Variants in ZNF346 observed in about 807,000 individuals in gnomAD.
The protein encoded by ZNF346 is double-stranded RNA-binding zinc finger protein JAZ.
Under a neutral mutation model 33.7 loss-of-function variants are expected in ZNF346, and 23 were observed. That is an observed-to-expected ratio of 0.68 (90% CI 0.49 to 0.97). The LOEUF (loss-of-function observed/expected upper bound fraction) is 0.97, where lower values mean the gene tolerates loss of function less well. Among genes scored for constraint, ZNF346 ranks in the 50% least tolerant of loss-of-function variants. The pLI is 0.00. For synonymous variants in ZNF346, 134 were observed against 142.4 expected (o/e 0.94, Z 0.42); for missense variants, 340 against 371.1 (o/e 0.92, Z 0.69).
chr5:177,072,877 AT>A (rs1783571854), downstream of ZNF346, among the ~76,000 whole-genome samples: 2 of 152,216 alleles, frequency 1.3e-5, no homozygotes, highest in African/African-American at 4.8e-5. Context: ...TGAAGCTAAT[AT>A]CCCCCAGGAC....
rs748064088 is a variant in ZNF346, at chr5:177,041,213, A to G, written c.263A>G (p.Lys88Arg). The G allele has an allele frequency of 5.0e-6, 8 of 1,614,084 alleles. No homozygotes were observed. Among genetic ancestry groups the G allele is most frequent in the East Asian group, 4.5e-5 (2 of 44,884 alleles). Residue 88 changes from lysine (K) to arginine (R), a missense_variant, in exon 2 of 7, where the codon AAG becomes AGG. By Grantham distance (26) the Lys-to-Arg change is conservative (BLOSUM62 2). Coordinates refer to ENST00000358149, the MANE Select transcript of ZNF346 (RefSeq NM_012279.4). ...CCALLISESQ[K>R]LAHYQSKKHA... ...GCCTTGCTTATTTCTGAGTCCCAGA[A>G]GCTGGCACATTACCAGGTATGCCAT...
intron 1 of ZNF346, among the ~76,000 whole-genome samples, chr5:177,031,845 C>T (rs1777742765): frequency 6.6e-6 from 1 of 151,992 alleles, no homozygotes; most frequent in Non-Finnish European, 1.5e-5. Context: ...TCTTCAAGTT[C>T]ACTGATTCTT....
At chr5:177,044,291 G>GA (rs397812670) in intron 3 of ZNF346, 98 bp from the exon 4 acceptor site, 4 of 1,394,756 alleles carry the variant, frequency 2.9e-6, no homozygotes, top group Non-Finnish European at 4.0e-6. Context: ...TGTGAGGGGG[G>GA]CCATAAATGC....
intron 1 of ZNF346, among the ~76,000 whole-genome samples, chr5:177,030,359 G>T (rs13165343): frequency 6.7e-6 from 1 of 149,626 alleles, no homozygotes; most frequent in Non-Finnish European, 1.5e-5. Flanking sequence ...GGTGGCTCAC[G>T]CCTGTAATCC....
intron 5 of ZNF346, among the ~76,000 whole-genome samples, chr5:177,054,818 T>A (rs764903108): frequency 2.6e-5 from 4 of 152,170 alleles, no homozygotes; most frequent in Non-Finnish European, 5.9e-5. Context: ...GATTGCATAG[T>A]ATAATCTATT....
intron 4 of ZNF346, among the ~76,000 whole-genome samples, chr5:177,048,662 A>G (rs1780428221): frequency 6.6e-6 from 1 of 152,078 alleles, no homozygotes; most frequent in Non-Finnish European, 1.5e-5. Flanking sequence ...AAATAGTGAA[A>G]CACACTCTAC....
At chr5:177,030,799 G>A (rs1388640459) in intron 1 of ZNF346, among the ~76,000 whole-genome samples, 1 of 151,690 alleles carries the variant, frequency 6.6e-6, no homozygotes, top group Non-Finnish European at 1.5e-5. Flanking sequence ...CCCTGGCAAC[G>A]ACTTATCTCC....
chr5:177,050,501 A>C (rs907640284), intron 4 of ZNF346, among the ~76,000 whole-genome samples: 5 of 152,200 alleles, frequency 3.3e-5, no homozygotes, highest in African/African-American at 1.2e-4. Context: ...AAAGCCGCTG[A>C]ATGAAATAGC....
chr5:177,070,292 G>C (rs1783440101), downstream of ZNF346, among the ~76,000 whole-genome samples: 1 of 152,120 alleles, frequency 6.6e-6, no homozygotes, highest in South Asian at 2.1e-4. Context: ...CTTGAAATCA[G>C]GGCCCTTCTT....
downstream of ZNF346, among the ~76,000 whole-genome samples, chr5:177,068,530 G>A (rs1049493272): frequency 4.9e-5 from 7 of 143,958 alleles, 1 homozygote; most frequent in African/African-American, 1.8e-4. Flanking sequence ...ATCCTGATAC[G>A]TTAGTAACAA....
At chr5:177,025,843 G>A (rs916734784) in intron 1 of ZNF346, among the ~76,000 whole-genome samples, 1 of 151,990 alleles carries the variant, frequency 6.6e-6, no homozygotes, top group African/African-American at 2.4e-5. Flanking sequence ...TCTAAACAGT[G>A]CCTTTTGAAG....
chr5:177,057,185 G>C lies in ZNF346; in HGVS notation c.704-4873G>C, dbSNP rs528361225. On this transcript the variant is annotated intron_variant, in intron 5 of 6. Coordinates refer to ENST00000358149, the MANE Select transcript of ZNF346 (RefSeq NM_012279.4). ...AAATTAGCCGGGTGTGGTGGTGGGC[G>C]CCTGTAATCCCAGCAGGAGAATCAC... Among the ~76,000 whole-genome samples the C allele has an allele frequency of 5.3e-5, 8 of 151,746 alleles. No homozygotes were observed. The South Asian group carries it at 1.7e-3, about 32-fold the overall frequency.
downstream of ZNF346, among the ~76,000 whole-genome samples, chr5:177,068,867 C>T (rs1431633437): frequency 1.4e-5 from 2 of 143,324 alleles, no homozygotes; most frequent in East Asian, 1.9e-4. Flanking sequence ...TTTTGAGGTA[C>T]ACCATACATT....
chr5:177,056,508 A>G (rs1448366246), intron 5 of ZNF346, among the ~76,000 whole-genome samples: 2 of 152,220 alleles, frequency 1.3e-5, no homozygotes, highest in African/African-American at 2.4e-5. Flanking sequence ...AAGACTTGGA[A>G]CCAACCCAAA....
chr5:177,044,266 A>T, intron 3 of ZNF346, 123 bp from the exon 4 acceptor site: 1 of 1,024,050 alleles, frequency 9.8e-7, no homozygotes, highest in Non-Finnish European at 1.4e-6. Flanking sequence ...TCTAGAAAGT[A>T]GGTTGGGGTT....
chr5:177,034,949 T>A (rs975226459), intron 1 of ZNF346, among the ~76,000 whole-genome samples: 1 of 152,204 alleles, frequency 6.6e-6, no homozygotes, highest in Non-Finnish European at 1.5e-5. Flanking sequence ...TTCCTGGAGA[T>A]GTTTCTGGAG....
intron 1 of ZNF346, among the ~76,000 whole-genome samples, chr5:177,035,007 CT>C: frequency 6.9e-6 from 1 of 145,516 alleles, no homozygotes; most frequent in East Asian, 1.9e-4. Context: ...TTTTCTTTTT[CT>C]TTTCTTTTCT....
intron 8 of ZNF346, among the ~76,000 whole-genome samples, chr5:177,075,987 G>A (rs969974866): frequency 2.6e-5 from 4 of 152,042 alleles, no homozygotes; most frequent in African/African-American, 9.7e-5. Context: ...ACGCCCGTCT[G>A]GCTAATATTT....
chr5:177,064,402 A>C, intron 6 of ZNF346, 110 bp from the exon 7 acceptor site: 1 of 796,786 alleles, frequency 1.3e-6, no homozygotes, highest in Non-Finnish European at 2.1e-6. Context: ...AGTGAAGGAA[A>C]GGTGTCCTGT....
Sources: gnomAD v4.1 joint callset for allele counts (sites outside exome capture counted in the v4.1 genomes callset) on GRCh38, gnomAD v4.1.1 for gene constraint, MANE v1.5 for transcripts, NCBI Gene and HGNC (gene_info 2026-07-23, HGNC 2026-07-21) for gene names.